The following WWOX variants were observed in gnomAD, a reference collection of about 807,000 sequenced individuals.
WWOX encodes WW domain containing oxidoreductase, also known as WW domain-containing oxidoreductase.
Under a neutral mutation model 46.2 loss-of-function variants are expected in WWOX, and 69 were observed. The ratio of observed to expected loss-of-function variants is 1.49; its 90% CI spans 1.23 to 1.82. WWOX has a LOEUF of 1.82. Ranked by LOEUF, WWOX falls within the 40% of genes most tolerant of loss-of-function variation. WWOX has a pLI of 0.00. For missense variants in WWOX, 919 were observed against 542.6 expected, an observed-to-expected ratio of 1.69 and a Z score of -6.89; for synonymous variants, 359 against 202.6, an observed-to-expected ratio of 1.77 and a Z score of -6.56.
intron 8 of WWOX, among the ~76,000 whole-genome samples, chr16:78,711,815 C>G (rs1289789748): frequency 2.6e-5 from 4 of 152,164 alleles, no homozygotes; most frequent in Admixed American, 2.0e-4. Context: ...CACACACTCT[C>G]CCACTGTAAA....
intron 8 of WWOX, among the ~76,000 whole-genome samples, chr16:78,448,633 C>T (rs572071051): frequency 2.6e-5 from 4 of 152,164 alleles, no homozygotes; most frequent in Non-Finnish European, 5.9e-5. Context: ...CTCACAAATT[C>T]ACAAATCAGC....
intron 8 of WWOX, among the ~76,000 whole-genome samples, chr16:78,874,768 C>T (rs747179992): frequency 7.8e-6 from 1 of 128,786 alleles, no homozygotes; most frequent in East Asian, 2.5e-4. Context: ...CTCAACTGTT[C>T]CAAGCATAAC....
chr16:78,631,288 C>T lies in WWOX; in HGVS notation c.1056+198536C>T, dbSNP rs115325256. On this transcript the variant is annotated intron_variant, in intron 8 of 8. Transcript: ENST00000566780. ...CTTCCTCACCCAAGATTCTCCGTGG[C>T]TTGTGTCAAGGCCTCACCACATCAG... Among the ~76,000 whole-genome samples the T allele has an allele frequency of 3.0e-3, 463 of 152,198 alleles. 2 individuals carry two copies. Among genetic ancestry groups the T allele is most frequent in the African/African-American group, 0.01 (436 of 41,548 alleles).
intron 8 of WWOX, among the ~76,000 whole-genome samples, chr16:79,059,605 C>G (rs12103013): frequency 0.066 from 10,054 of 152,244 alleles, 639 homozygotes; most frequent in African/African-American, 0.17. Flanking sequence ...ATGCTCCTGC[C>G]TCAGCCTGCC....
intron 8 of WWOX, among the ~76,000 whole-genome samples, chr16:78,773,383 C>G (rs772556334): frequency 1.3e-5 from 2 of 152,190 alleles, no homozygotes; most frequent in South Asian, 2.1e-4. Flanking sequence ...GGACCATCCT[C>G]TGGTCCCACC....
chr16:78,433,113 T>C (rs1238498297), intron 8 of WWOX, among the ~76,000 whole-genome samples: 1 of 152,222 alleles, frequency 6.6e-6, no homozygotes, highest in East Asian at 1.9e-4. Context: ...TGCTGTTTTG[T>C]GTCAGTAGGT....
At chr16:78,616,656 C>A (rs1324959093) in intron 8 of WWOX, among the ~76,000 whole-genome samples, 1 of 151,890 alleles carries the variant, frequency 6.6e-6, no homozygotes, top group Admixed American at 6.6e-5. Flanking sequence ...GTAATCCCAG[C>A]CACTTGGAAG....
chr16:78,669,836 TAATA>T, intron 8 of WWOX, among the ~76,000 whole-genome samples: 1 of 152,240 alleles, frequency 6.6e-6, no homozygotes. Context: ...AAATAATCTC[TAATA>T]AGATGTTTAG....
At chr16:78,897,356 AT>A (rs1487581236) in intron 8 of WWOX, 1 of 151,586 alleles carries the variant, frequency 6.6e-6, no homozygotes, top group East Asian at 1.9e-4. Flanking sequence ...AGAAACAAGC[AT>A]TCTTGTTTCA....
At chr16:78,529,571 A>T (rs960529764) in intron 8 of WWOX, among the ~76,000 whole-genome samples, 1 of 152,000 alleles carries the variant, frequency 6.6e-6, no homozygotes, top group Non-Finnish European at 1.5e-5. Context: ...AGTTCAAGCG[A>T]TTCTTCTGCC....
chr16:78,900,502 C>A (rs8064053), intron 8 of WWOX, among the ~76,000 whole-genome samples: 2 of 152,012 alleles, frequency 1.3e-5, no homozygotes, highest in East Asian at 3.9e-4. Context: ...TCAAGAAACC[C>A]ACAGAGGTCC....
At chr16:79,121,737 C>G (rs932008656) in intron 8 of WWOX, among the ~76,000 whole-genome samples, 1 of 152,128 alleles carries the variant, frequency 6.6e-6, no homozygotes, top group Non-Finnish European at 1.5e-5. Flanking sequence ...TGCTGGGAGT[C>G]TGAGATAGAT....
intron 6 of WWOX, among the ~76,000 whole-genome samples, chr16:78,422,663 G>GTGTATATATATATATA (rs1438850450): frequency 4.1e-5 from 1 of 24,382 alleles, no homozygotes; most frequent in Non-Finnish European, 1.1e-4. Flanking sequence ...TTTTTTACAT[G>GTGTATATATATATATA]TATATATATA....
At chr16:78,914,416 G>A (rs944964952) in intron 8 of WWOX, among the ~76,000 whole-genome samples, 5 of 152,070 alleles carry the variant, frequency 3.3e-5, no homozygotes, top group Non-Finnish European at 5.9e-5. Context: ...GAATGAATGA[G>A]GGATTTGCAG....
At chr16:78,582,803 A>G (rs1365603358) in intron 8 of WWOX, among the ~76,000 whole-genome samples, 2 of 152,108 alleles carry the variant, frequency 1.3e-5, no homozygotes, top group Non-Finnish European at 2.9e-5. Flanking sequence ...CCACCCTTTG[A>G]TTGCAAAATG....
chr16:78,320,719 C>G (rs192259931), intron 5 of WWOX, among the ~76,000 whole-genome samples: 1 of 152,144 alleles, frequency 6.6e-6, no homozygotes, highest in African/African-American at 2.4e-5. Context: ...CCATCTGTTT[C>G]TCTTGGTTAT....
rs558350543 is a variant in WWOX, at chr16:78,649,451, T to TG, written c.1056+216700dup. On this transcript the variant is annotated intron_variant, in intron 8 of 8. Transcript: ENST00000566780. ...GGTGGGTACCACCATACCCAGCTGTTGAAAAAAAAATGGTGGGGTATTACT... is the reference window on the plus strand; with the variant it reads ...GGTGGGTACCACCATACCCAGCTGTTGGAAAAAAAAATGGTGGGGTATTACT... Among the ~76,000 whole-genome samples, 455 of 151,774 alleles carry TG rather than the reference T, an allele frequency of 3.0e-3. 3 individuals are homozygous for TG. Among genetic ancestry groups the TG allele is most frequent in the African/African-American group, 0.011 (444 of 41,354 alleles).
intron 8 of WWOX, chr16:78,756,882 G>C (rs2049662627): frequency 1.4e-6 from 1 of 702,786 alleles, no homozygotes; most frequent in Admixed American, 2.0e-5. Context: ...TGACTTACGA[G>C]GCTAGACCAT....
chr16:79,168,987 C>T (rs991079943), intron 8 of WWOX, among the ~76,000 whole-genome samples: 4 of 152,200 alleles, frequency 2.6e-5, no homozygotes, highest in Admixed American at 2.0e-4. Flanking sequence ...GATTCCGGAG[C>T]TTCCTTAAAA....
Sources: gnomAD v4.1 joint callset for allele counts (sites outside exome capture counted in the v4.1 genomes callset) on GRCh38, gnomAD v4.1.1 for gene constraint, MANE v1.5 for transcripts, NCBI Gene and HGNC (gene_info 2026-07-23, HGNC 2026-07-21) for gene names.